PCDHGB7: variants seen among roughly 807,000 people sequenced by gnomAD.
The protein encoded by PCDHGB7 is protocadherin gamma-B7.
PCDHGB7 carries 37 observed loss-of-function variants against 61.4 expected under a neutral mutation model. The ratio of observed to expected loss-of-function variants is 0.60; its 90% CI spans 0.46 to 0.79. The LOEUF is 0.79. PCDHGB7 is among the 30% of genes least tolerant of loss of function. The probability of loss-of-function intolerance (pLI) is 0.00; values close to 1 mark genes in which losing one functional copy is unlikely to be tolerated. For synonymous variants in PCDHGB7, 464 were observed against 503.5 expected, an observed-to-expected ratio of 0.92 and a Z score of 1.05; for missense variants, 1,166 against 1,202.5, an observed-to-expected ratio of 0.97 and a Z score of 0.45.
Position 141,419,686 on chromosome 5 carries a change from G to A in PCDHGB7, c.1827G>A (p.Val609=), listed in dbSNP as rs551990092. ...ATGCCTGGCTGTCCTACCACGTGGT[G>A]CAGGCCAGTGAGCCCGGGCTCTTCA... ...GHNAWLSYHV[V]QASEPGLFSL... The change falls in exon 1 of 4, where the codon GTG becomes GTA. Residue 609 remains valine, a synonymous_variant. Transcript: ENST00000398594. 1.2e-6 allele frequency: 2 copies of A among 1,612,760 alleles called. No individual in the cohort carries two copies. Among genetic ancestry groups the A allele is most frequent in the Non-Finnish European group, 1.7e-6 (2 of 1,179,604 alleles).
At position 141,417,869 on chromosome 5, in the gene PCDHGB7, A is replaced by C; in HGVS notation, c.10A>C (p.Ser4Arg). Residue 4 changes from serine to arginine, a missense_variant, in exon 1 of 4, where the codon AGC (serine) becomes CGC (arginine). Ser to Arg is a moderately radical substitution (Grantham distance 110). Transcript: ENST00000398594. ...AGAACCCGAGCGAACGATGGGAGGG[A>C]GCTGCGCGCAGAGGCGCCGGGCCGG... MGGSCAQRRRAGPR... is the reference protein window; with the variant it reads MGGRCAQRRRAGPR... 1.3e-6 allele frequency: 2 copies of C among 1,553,552 alleles called. No individual in the cohort carries two copies. Among genetic ancestry groups the C allele is most frequent in the South Asian group, 2.4e-5 (2 of 84,726 alleles).
rs889153718 is a variant in PCDHGB7 at position 141,417,753 on chromosome 5, C to T, written c.-107C>T. 3 of 1,431,672 alleles carry T rather than the reference C, an allele frequency of 2.1e-6. No homozygotes were observed. The highest frequency in any genetic ancestry group is 2.9e-5 in the African/African-American group (2 of 69,506). 88.7% of individuals were successfully genotyped at this position (1,431,672 alleles called of 1,614,324 possible). Reference sequence around the variant, plus strand: ...TGCCCAGCACACCAGATTGCCAGCTCCGAGACCCGGGACTCCTCCTGTCCT... The same window carrying T: ...TGCCCAGCACACCAGATTGCCAGCTTCGAGACCCGGGACTCCTCCTGTCCT... On this transcript the variant is annotated 5_prime_UTR_variant, in exon 1 of 4. Transcript: ENST00000398594.
Position 141,419,999 on chromosome 5 carries a change from C to T in PCDHGB7, c.2140C>T (p.Arg714Cys), listed in dbSNP as rs369649545. The change falls in exon 1 of 4, where the codon CGC (arginine) becomes TGC (cysteine). Residue 714 changes from arginine to cysteine, a missense_variant. Coordinates refer to ENST00000398594, the MANE Select transcript of PCDHGB7 (RefSeq NM_018927.4). Reference sequence around the variant, plus strand: ...CGCGGTGATTCTAGCTATTGCTCTACGCCTGCGACAGTCTTTCAGCCCTAC... The same window carrying T: ...CGCGGTGATTCTAGCTATTGCTCTATGCCTGCGACAGTCTTTCAGCCCTAC... The part of the protein sequence containing the change: ...LLAVILAIAL[R>C]LRQSFSPTAG... 4 of 1,613,960 alleles carry T rather than the reference C, an allele frequency of 2.5e-6. No homozygotes were observed. Among genetic ancestry groups the T allele is most frequent in the Non-Finnish European group, 3.4e-6 (4 of 1,179,910 alleles).
chr5:141,485,886 A>G lies in PCDHGB7; in HGVS notation c.2416-8921A>G. 1.9e-6 allele frequency: 3 copies of G among 1,614,132 alleles called. No individual in the cohort carries two copies. Among genetic ancestry groups the G allele is most frequent in the Non-Finnish European group, 2.5e-6 (3 of 1,180,016 alleles). On this transcript the variant is annotated intron_variant, in intron 1 of 3. Transcript: ENST00000398594. This position sits in a 1 kb window ranked among gnomAD's most constrained non-coding sequence, Gnocchi z 5.7. ...GTATCCGTGCTGGACGTAAACGACAACGCCCCAGCCTTCCAGCAATCCAGC... is the reference window on the plus strand; with the variant it reads ...GTATCCGTGCTGGACGTAAACGACAGCGCCCCAGCCTTCCAGCAATCCAGC...
Position 141,491,819 on chromosome 5 carries a change from G to C in PCDHGB7, c.2416-2988G>C. The C allele has an allele frequency of 6.7e-7, 1 of 1,482,028 alleles. No individual in the cohort carries two copies. Among genetic ancestry groups the C allele is most frequent in the Non-Finnish European group, 9.0e-7 (1 of 1,116,648 alleles). The allele number at this position is 1,482,028 out of a possible 1,614,324, so 91.8% of individuals were successfully genotyped here. A position where few individuals can be genotyped will look rare whatever the true frequency, so the allele number is the denominator to read the frequency against. On this transcript the variant is annotated intron_variant, in intron 1 of 3. Transcript: ENST00000398594. This position sits in a 1 kb window ranked among gnomAD's most constrained non-coding sequence, Gnocchi z 6.9. ...TCCGGCCGGCTTGGTCGCTGGCTGCGCTCCACCCGATTCTCGGGATCATTG... is the reference window on the plus strand; with the variant it reads ...TCCGGCCGGCTTGGTCGCTGGCTGCCCTCCACCCGATTCTCGGGATCATTG...
rs1340366910 is a variant in PCDHGB7 at position 141,490,965 on chromosome 5, C to T, written c.2416-3842C>T. The T allele has an allele frequency of 2.5e-6, 4 of 1,613,738 alleles. No homozygotes were observed. The highest frequency in any genetic ancestry group is 2.7e-5 in the African/African-American group (2 of 74,934). On this transcript the variant is annotated intron_variant, in intron 1 of 3. Transcript: ENST00000398594. This position sits in a 1 kb window ranked among gnomAD's most constrained non-coding sequence, Gnocchi z 5.4. Reference sequence around the variant, plus strand: ...CACGGCCAGACTGGGAACACTCAGCCCCCCAGCGTCTCCCTCGCTCTGCTC... The same window carrying T: ...CACGGCCAGACTGGGAACACTCAGCTCCCCAGCGTCTCCCTCGCTCTGCTC...
At chr5:141,454,789 G>T (rs1368681394) in intron 1 of PCDHGB7, among the ~76,000 whole-genome samples, 1 of 129,576 alleles carries the variant, frequency 7.7e-6, no homozygotes, top group African/African-American at 3.1e-5. Flanking sequence ...AATCCTCCAT[G>T]GTTCTAATTT....
chr5:141,439,579 G>A (rs980322898), intron 1 of PCDHGB7, among the ~76,000 whole-genome samples: 6 of 152,148 alleles, frequency 3.9e-5, no homozygotes, highest in African/African-American at 1.4e-4. Context: ...GGGACTCAGA[G>A]TGCCACTGTT....
chr5:141,423,070 C>G, intron 1 of PCDHGB7: 1 of 1,614,132 alleles, frequency 6.2e-7, no homozygotes, highest in Non-Finnish European at 8.5e-7. Flanking sequence ...GGCCAGCGAG[C>G]CGGGACTCTT....
rs1212381177 is a variant in PCDHGB7 at position 141,438,571 on chromosome 5, TATACATAC to T, written c.2415+18313_2415+18320del. On this transcript the variant is annotated intron_variant, in intron 1 of 3. Coordinates refer to ENST00000398594, the MANE Select transcript of PCDHGB7 (RefSeq NM_018927.4). Reference sequence around the variant, plus strand: ...GCCCTAATAAGAGGCAGCTGTCTGATATACATACATACATACATACATATATATATATA... The same window carrying T: ...GCCCTAATAAGAGGCAGCTGTCTGATATACATACATACATATATATATATA... Among the ~76,000 whole-genome samples the T allele has an allele frequency of 2.8e-4, 26 of 94,536 alleles. 1 individual carries two copies. Among genetic ancestry groups the T allele is most frequent in the South Asian group, 1.0e-3 (3 of 2,950 alleles). 62.0% of individuals were successfully genotyped at this position (94,536 alleles called of 152,430 possible). A position where few individuals can be genotyped will look rare whatever the true frequency, so the allele number is the denominator to read the frequency against.
intron 1 of PCDHGB7, chr5:141,430,556 C>A (rs1479639096): frequency 9.7e-6 from 4 of 413,394 alleles, no homozygotes; most frequent in African/African-American, 2.1e-5. Flanking sequence ...GTTCACCAAT[C>A]GGGGAGAGAA....
chr5:141,486,170 C>T lies in PCDHGB7; in HGVS notation c.2416-8637C>T, dbSNP rs759946548. The stretch of plus-strand genomic sequence containing the variant: ...TGGGGGTTCTCCAGCCATGGAGCAA[C>T]ATTGCAGCCTTCGAGTGGATCTGCT... On this transcript the variant is annotated intron_variant, in intron 1 of 3. Coordinates refer to ENST00000398594, the MANE Select transcript of PCDHGB7 (RefSeq NM_018927.4). This position sits in a 1 kb window ranked among gnomAD's most constrained non-coding sequence, Gnocchi z 5.0. The T allele has an allele frequency of 1.5e-5, 24 of 1,614,116 alleles. No individual in the cohort carries two copies. Among genetic ancestry groups the T allele is most frequent in the South Asian group, 4.4e-5 (4 of 91,090 alleles).
intron 1 of PCDHGB7, chr5:141,428,599 A>G (rs1324155257): frequency 8.9e-6 from 2 of 223,902 alleles, no homozygotes; most frequent in Non-Finnish European, 1.8e-5. Context: ...AGCAAGCTTC[A>G]CTGAAGAGAA....
At chr5:141,448,907 T>G (rs1253773780) in intron 1 of PCDHGB7, among the ~76,000 whole-genome samples, 1 of 152,178 alleles carries the variant, frequency 6.6e-6, no homozygotes, top group African/African-American at 2.4e-5. Flanking sequence ...ATCGTGCCAC[T>G]GCACTCCAGC....
rs1411289369 is a variant in PCDHGB7, at chr5:141,419,555, G to A, written c.1696G>A (p.Ala566Thr). The change falls in exon 1 of 4, where the codon GCG (alanine) becomes ACG (threonine). Residue 566 changes from alanine to threonine, a missense_variant. By Grantham distance (58) the Ala-to-Thr change is moderately conservative (BLOSUM62 0). Coordinates refer to ENST00000398594, the MANE Select transcript of PCDHGB7 (RefSeq NM_018927.4). ...NDNAPRVLYP[A>T]LGPDGSALFD... ...CAACGCACCGCGGGTGCTGTACCCT[G>A]CGCTGGGTCCCGACGGCTCCGCGCT... is the stretch of plus-strand genomic sequence containing the variant. 3 of 1,611,876 alleles carry A rather than the reference G, an allele frequency of 1.9e-6. No homozygotes were observed. The highest frequency in any genetic ancestry group is 1.1e-5 in the South Asian group (1 of 90,972).
chr5:141,432,560 A>C lies in PCDHGB7; in HGVS notation c.2415+12286A>C. The C allele has an allele frequency of 2.5e-6, 4 of 1,613,600 alleles. No individual in the cohort carries two copies. Among genetic ancestry groups the C allele is most frequent in the Non-Finnish European group, 3.4e-6 (4 of 1,179,962 alleles). ...GGCGGTGGACAGAGACTCCGGCCAG[A>C]ACGCCTGGCTGTCCTACCGTCTGCT... On this transcript the variant is annotated intron_variant, in intron 1 of 3. Transcript: ENST00000398594. The surrounding 1 kb of genome is among the most constrained non-coding windows in gnomAD (Gnocchi z 6.0).
chr5:141,423,149 A>G (rs763488632), intron 1 of PCDHGB7: 2 of 1,613,554 alleles, frequency 1.2e-6, no homozygotes, highest in Non-Finnish European at 8.5e-7. Context: ...GCGCTCAAGC[A>G]GAGCCTCGTG....
At position 141,491,658 on chromosome 5, in the gene PCDHGB7, C is replaced by A; in HGVS notation, c.2416-3149C>A. 1 of 1,613,822 alleles carries A rather than the reference C, an allele frequency of 6.2e-7. No homozygotes were observed. The highest frequency in any genetic ancestry group is 8.5e-7 in the Non-Finnish European group (1 of 1,180,016). On this transcript the variant is annotated intron_variant, in intron 1 of 3. Coordinates refer to ENST00000398594, the MANE Select transcript of PCDHGB7 (RefSeq NM_018927.4). The surrounding 1 kb of genome is among the most constrained non-coding windows in gnomAD (Gnocchi z 6.9). ...CCACAGCTCTGGCGCTGGAGCCTGA[C>A]GCCATCCGGTCCCGCTCTAATACGC... is the stretch of plus-strand genomic sequence containing the variant.
chr5:141,474,703 C>A (rs2099353282), intron 1 of PCDHGB7, among the ~76,000 whole-genome samples: 1 of 152,188 alleles, frequency 6.6e-6, no homozygotes, highest in African/African-American at 2.4e-5. Flanking sequence ...GTTCAAGGTT[C>A]TATTATACTT....
Sources: gnomAD v4.1 joint callset for allele counts (sites outside exome capture counted in the v4.1 genomes callset) on GRCh38, gnomAD v4.1.1 for gene constraint, Gnocchi (gnomAD v3.1) non-coding constraint, MANE v1.5 for transcripts, NCBI Gene and HGNC (gene_info 2026-07-23, HGNC 2026-07-21) for gene names.